The following CCNH variants were observed in gnomAD, a reference collection of about 807,000 sequenced individuals.
CCNH encodes the protein cyclin H.
A neutral mutation model predicts 41.9 loss-of-function variants in CCNH; 31 were observed. The observed-to-expected ratio is 0.74, with a 90% CI of 0.56 to 1.00. The LOEUF (loss-of-function observed/expected upper bound fraction) is 1.00, where lower values mean the gene tolerates loss of function less well. Ranked by LOEUF, CCNH falls within the 50% of genes least tolerant of loss-of-function variation. The pLI is 0.00. For synonymous variants in CCNH, 138 were observed against 136.1 expected (o/e 1.01, Z -0.10); for missense variants, 362 against 388.4 (o/e 0.93, Z 0.57).
chr5:87,397,999 C>G (rs1479979510), intron 7 of CCNH, among the ~76,000 whole-genome samples: 3 of 152,186 alleles, frequency 2.0e-5, no homozygotes, highest in African/African-American at 7.2e-5. Flanking sequence ...TAACAGTTTG[C>G]CAACCCCTGG....
intron 9 of CCNH, among the ~76,000 whole-genome samples, chr5:87,321,497 T>G (rs1756802567): frequency 6.6e-6 from 1 of 152,184 alleles, no homozygotes; most frequent in African/African-American, 2.4e-5. Flanking sequence ...CGAGTTGGGG[T>G]TTCCACAACC....
intron 9 of CCNH, among the ~76,000 whole-genome samples, chr5:87,339,647 A>C (rs1580303188): frequency 6.6e-6 from 1 of 152,134 alleles, no homozygotes; most frequent in Non-Finnish European, 1.5e-5. Flanking sequence ...ATAACAACCC[A>C]AACCAGAATA....
chr5:87,333,722 T>C (rs1249873139), intron 9 of CCNH, among the ~76,000 whole-genome samples: 2 of 152,212 alleles, frequency 1.3e-5, no homozygotes, highest in Non-Finnish European at 2.9e-5. Flanking sequence ...AGGAATGTTA[T>C]AGAACTATGC....
At chr5:87,378,863 CATT>C (rs1287445849), upstream of CCNH, among the ~76,000 whole-genome samples, 5 of 152,240 alleles carry the variant, frequency 3.3e-5, no homozygotes, top group East Asian at 1.9e-4. Flanking sequence ...GTTAGTGACT[CATT>C]ATATAACCTA....
At chr5:87,358,822 A>T (rs1039610112) in intron 9 of CCNH, among the ~76,000 whole-genome samples, 3 of 151,824 alleles carry the variant, frequency 2.0e-5, no homozygotes, top group South Asian at 4.2e-4. Context: ...AATAAGCCAG[A>T]CTCTTTCCTT....
At chr5:87,380,988 C>A (rs921746013), upstream of CCNH, among the ~76,000 whole-genome samples, 2 of 152,158 alleles carry the variant, frequency 1.3e-5, no homozygotes, top group African/African-American at 4.8e-5. Flanking sequence ...ATCTGTGACT[C>A]TGAGCTAATC....
chr5:87,351,541 C>G (rs1205350226), intron 9 of CCNH, among the ~76,000 whole-genome samples: 2 of 151,604 alleles, frequency 1.3e-5, no homozygotes, highest in Non-Finnish European at 3.0e-5. Flanking sequence ...AATTAAAATA[C>G]AGAACACAGT....
downstream of CCNH, chr5:87,387,002 A>C (rs1467683033): frequency 8.6e-7 from 1 of 1,156,700 alleles, no homozygotes; most frequent in Non-Finnish European, 1.2e-6. Flanking sequence ...TTTCTATCCA[A>C]AACTAAAAAG....
At chr5:87,406,056 C>A (rs1203689578) in intron 4 of CCNH, among the ~76,000 whole-genome samples, 1 of 152,100 alleles carries the variant, frequency 6.6e-6, no homozygotes, top group African/African-American at 2.4e-5. Context: ...TTCCATCTGT[C>A]TTAATGTCTT....
intron 9 of CCNH, chr5:87,385,249 C>A: frequency 8.9e-7 from 1 of 1,121,292 alleles, no homozygotes; most frequent in Non-Finnish European, 1.4e-6. Flanking sequence ...AATGGTTTAG[C>A]TGGAAGTGCT....
intron 9 of CCNH, among the ~76,000 whole-genome samples, chr5:87,348,243 A>G (rs1759004009): frequency 6.6e-6 from 1 of 152,064 alleles, no homozygotes; most frequent in African/African-American, 2.4e-5. Context: ...TTTACTGAAC[A>G]TGAAGTTACT....
intron 9 of CCNH, among the ~76,000 whole-genome samples, chr5:87,333,041 G>A (rs547013182): frequency 2.4e-4 from 37 of 152,026 alleles, no homozygotes; most frequent in African/African-American, 6.5e-4. Context: ...TTCATATTAC[G>A]TTATAAAAGC....
At chr5:87,362,755 TAA>T in intron 9 of CCNH, 1 of 1,486,796 alleles carries the variant, frequency 6.7e-7, no homozygotes, top group East Asian at 2.3e-5. Flanking sequence ...ATATATTTAA[TAA>T]GTTTTGACAT....
intron 9 of CCNH, among the ~76,000 whole-genome samples, chr5:87,365,692 A>T (rs776499841): frequency 6.6e-5 from 10 of 152,208 alleles, no homozygotes; most frequent in Admixed American, 2.6e-4. Context: ...CATTAGACTC[A>T]TAAGATAAAA....
chr5:87,355,348 A>T (rs1191438458), intron 9 of CCNH, among the ~76,000 whole-genome samples: 1 of 152,194 alleles, frequency 6.6e-6, no homozygotes, highest in East Asian at 1.9e-4. Flanking sequence ...CTATTCTGAA[A>T]ATCCTAGGAG....
intron 9 of CCNH, among the ~76,000 whole-genome samples, chr5:87,338,536 A>ATATATATATATATATTTTTT: frequency 3.5e-5 from 3 of 85,220 alleles, no homozygotes; most frequent in East Asian, 9.9e-4. Context: ...TATATATAAA[A>ATATATATATATATATTTTTT]TTTTTTTTTT....
chr5:87,401,659 T>C, intron 6 of CCNH, 43 bp downstream of exon 6: 1 of 1,181,608 alleles, frequency 8.5e-7, no homozygotes, highest in Non-Finnish European at 1.2e-6. Context: ...AAAGGAGCTT[T>C]GTATTGGAAG....
intron 9 of CCNH, chr5:87,349,145 T>G (rs1759076313): frequency 6.4e-7 from 1 of 1,553,764 alleles, no homozygotes; most frequent in African/African-American, 1.4e-5. Flanking sequence ...CACTTTGTAA[T>G]AATACTACTT....
intron 7 of CCNH, among the ~76,000 whole-genome samples, chr5:87,395,893 G>A (rs1055194031): frequency 2.0e-5 from 3 of 152,012 alleles, no homozygotes; most frequent in Non-Finnish European, 2.9e-5. Context: ...GGGTGTGGGA[G>A]CTGGGGCAAA....
Sources: allele counts gnomAD v4.1 joint callset (sites outside exome capture counted in the v4.1 genomes callset), GRCh38; gene constraint gnomAD v4.1.1; transcripts MANE v1.5; gene names NCBI Gene and HGNC (gene_info 2026-07-23, HGNC 2026-07-21).